Variants in PALM observed in about 807,000 individuals in gnomAD.
The protein encoded by PALM is paralemmin-1.
In PALM, 18 loss-of-function variants were observed where a neutral mutation model predicts 30.7. The observed-to-expected ratio is 0.59, with a 90% CI of 0.41 to 0.87. The LOEUF (loss-of-function observed/expected upper bound fraction) is 0.87. PALM is among the 40% of genes least tolerant of loss of function. The probability of loss-of-function intolerance (pLI) is 0.00; values close to 1 mark genes in which losing one functional copy is unlikely to be tolerated. For synonymous variants in PALM, 286 were observed against 242.8 expected (o/e 1.18, Z -1.66); for missense variants, 529 against 555.4 (o/e 0.95, Z 0.48).
At chr19:719,467 G>C in intron 1 of PALM, 1 of 985,294 alleles carries the variant, frequency 1.0e-6, no homozygotes, top group East Asian at 1.1e-4. Flanking sequence ...TGCGCGCCGG[G>C]GTGGGCGTCG....
At chr19:729,624 G>A (rs1162046448) in intron 4 of PALM, among the ~76,000 whole-genome samples, 1 of 151,750 alleles carries the variant, frequency 6.6e-6, no homozygotes, top group Non-Finnish European at 1.5e-5. Flanking sequence ...CGCCACGCCT[G>A]GCTAATTTTG....
At chr19:730,181 C>T (rs1408316993) in intron 4 of PALM, among the ~76,000 whole-genome samples, 3 of 147,276 alleles carry the variant, frequency 2.0e-5, no homozygotes, top group Admixed American at 1.4e-4. Flanking sequence ...CTCCCAGACA[C>T]CTCCTGCAGG....
intron 1 of PALM, among the ~76,000 whole-genome samples, chr19:711,031 G>A (rs1416589549): frequency 1.3e-5 from 2 of 152,244 alleles, no homozygotes; most frequent in Non-Finnish European, 2.9e-5. Flanking sequence ...TCGAAGACAC[G>A]GGAGCTGGCT....
chr19:747,348 G>A lies in PALM; in HGVS notation c.*534G>A, dbSNP rs1023879387. On this transcript the variant is annotated 3_prime_UTR_variant, in exon 9 of 9. Transcript: ENST00000338448. Reference sequence around the variant, plus strand: ...AATCTCAGGCAGTTGGGGTGAGGCCGTGCCTCTTTGGGGGCTAAAGGTCTT... The same window carrying A: ...AATCTCAGGCAGTTGGGGTGAGGCCATGCCTCTTTGGGGGCTAAAGGTCTT... 4.5e-5 allele frequency: 7 copies of A among 156,696 alleles called. No homozygotes were observed. The highest frequency in any genetic ancestry group is 2.0e-4 in the South Asian group (1 of 5,016). 9.7% of individuals were successfully genotyped at this position (156,696 alleles called of 1,614,324 possible).
intron 1 of PALM, chr19:719,492 C>T (rs1005598118): frequency 4.8e-4 from 469 of 985,196 alleles, no homozygotes; most frequent in Non-Finnish European, 5.5e-4. Flanking sequence ...GGGGGCGTGG[C>T]GCTCCAGGGG....
intron 8 of PALM, among the ~76,000 whole-genome samples, chr19:743,395 G>A (rs866326621): frequency 1.3e-5 from 2 of 152,194 alleles, no homozygotes; most frequent in Admixed American, 6.5e-5. Context: ...CAGGTGATCC[G>A]TTTCCATGGC....
chr19:729,481 T>TTG lies in PALM; in HGVS notation c.270-1613_270-1612insGT, dbSNP rs1555689402. Among the ~76,000 whole-genome samples the TTG allele has an allele frequency of 4.8e-3, 649 of 136,548 alleles. 13 individuals are homozygous for TTG. The East Asian group carries it at 0.09, about 19-fold the overall frequency. 89.6% of individuals were successfully genotyped at this position (136,548 alleles called of 152,430 possible). ...GTCTTTTTTTTTTTTTTTTTTTTTT[T>TTG]TTGAGAAGGAGTCTCGCTCTGTCGC... On this transcript the variant is annotated intron_variant, in intron 4 of 8. Coordinates refer to ENST00000338448, the MANE Select transcript of PALM (RefSeq NM_002579.3).
chr19:711,326 C>T (rs2032073519), intron 1 of PALM: 3 of 338,720 alleles, frequency 8.9e-6, no homozygotes, highest in Non-Finnish European at 1.3e-5. Context: ...ATATTTTGGC[C>T]TGGAGCAGCC....
Position 742,055 on chromosome 19 carries a change from G to A in PALM, c.634+1572G>A, listed in dbSNP as rs530816926. Among the ~76,000 whole-genome samples, 11 of 152,058 alleles carry A rather than the reference G, an allele frequency of 7.2e-5. No homozygotes were observed. The highest frequency in any genetic ancestry group is 3.3e-4 in the Admixed American group (5 of 15,258). On this transcript the variant is annotated intron_variant, in intron 8 of 8. Transcript: ENST00000338448. This position sits in a 1 kb window ranked among gnomAD's most constrained non-coding sequence, Gnocchi z 5.5. ...TATAATTCGCAGACCATAAAATTCC[G>A]CCTTAATGGGAGGCTCATCTGGGCC...
Position 727,003 on chromosome 19 carries a change from C to CCCCCCCCCG in PALM, c.58-5_58-4insCCCCCCCCG. 1 of 1,524,298 alleles carries CCCCCCCCCG rather than the reference C, an allele frequency of 6.6e-7. No individual in the cohort carries two copies. Among genetic ancestry groups the CCCCCCCCCG allele is most frequent in the Non-Finnish European group, 8.9e-7 (1 of 1,124,960 alleles). The allele number at this position is 1,524,298 out of a possible 1,614,324, so 94.4% of individuals were successfully genotyped here. On this transcript the variant is annotated splice_polypyrimidine_tract_variant and splice_region_variant and intron_variant, in intron 2 of 8. Coordinates refer to ENST00000338448, the MANE Select transcript of PALM (RefSeq NM_002579.3). ...ATCCCTGACCCCACCCGGCCCTCCCCACAGGAGAAGCGGAAGCGGCAGGCG... is the reference window on the plus strand; with the variant it reads ...ATCCCTGACCCCACCCGGCCCTCCCCCCCCCCCCGACAGGAGAAGCGGAAGCGGCAGGCG...
At chr19:728,350 C>A (rs1445967874) in intron 4 of PALM, among the ~76,000 whole-genome samples, 1 of 152,204 alleles carries the variant, frequency 6.6e-6, no homozygotes, top group African/African-American at 2.4e-5. Flanking sequence ...GGGAAGGTGC[C>A]CAGAGGCGGG....
chr19:733,300 G>A (rs898153669), intron 5 of PALM, among the ~76,000 whole-genome samples: 1 of 152,198 alleles, frequency 6.6e-6, no homozygotes, highest in Non-Finnish European at 1.5e-5. Context: ...GCATGGACTA[G>A]TGCTGTCATG....
In PALM at chr19:746,227, ACT is replaced by A. The variant is rs2033333234; in HGVS notation, c.635-51_635-50del. The A allele has an allele frequency of 2.8e-6, 4 of 1,421,336 alleles. No individual in the cohort carries two copies. Among genetic ancestry groups the A allele is most frequent in the Admixed American group, 1.9e-5 (1 of 52,538 alleles). The allele number at this position is 1,421,336 out of a possible 1,614,324, so 88.0% of individuals were successfully genotyped here. A position where few individuals can be genotyped will look rare whatever the true frequency, so the allele number is the denominator to read the frequency against. On this transcript the variant is annotated intron_variant, in intron 8 of 8. Transcript: ENST00000338448. The surrounding 1 kb of genome is among the most constrained non-coding windows in gnomAD (Gnocchi z 7.1). ...GTTTCCCTCCTGCCTGAGCCAGGTC[ACT>A]CTCTCTGTCCCTCCTGCCTGGAGCT...
chr19:719,469 TGGGCGTCGGGCGGG>T (rs1390324306), intron 1 of PALM: 1 of 984,698 alleles, frequency 1.0e-6, no homozygotes, highest in Non-Finnish European at 1.2e-6. Context: ...CGCGCCGGGG[TGGGCGTCGGGCGGG>T]GGGCGTGGCG....
chr19:730,987 G>A (rs1302463264), intron 4 of PALM, 108 bp from the exon 5 acceptor site: 8 of 713,210 alleles, frequency 1.1e-5, no homozygotes, highest in Non-Finnish European at 1.6e-5. Flanking sequence ...GGCAACAAGA[G>A]CGAGAATCTG....
chr19:733,469 G>T (rs1407398077), intron 5 of PALM, among the ~76,000 whole-genome samples: 1 of 152,202 alleles, frequency 6.6e-6, no homozygotes, highest in Non-Finnish European at 1.5e-5. Flanking sequence ...CCAGGGCACA[G>T]TTCAGGGAGA....
rs2033346346 is a variant in PALM at position 746,504 on chromosome 19, C to G, written c.854C>G (p.Ser285Cys). 1 of 1,612,180 alleles carries G rather than the reference C, an allele frequency of 6.2e-7. No homozygotes were observed. The highest frequency in any genetic ancestry group is 8.5e-7 in the Non-Finnish European group (1 of 1,179,658). The change falls in exon 9 of 9, where the codon TCC becomes TGC. Residue 285 changes from serine to cysteine, a missense_variant. By Grantham distance (112) the Ser-to-Cys change is moderately radical. Transcript: ENST00000338448. The surrounding 1 kb of genome is among the most constrained non-coding windows in gnomAD (Gnocchi z 7.1). ...GVQAQPGEAT[S>C]GPPGIQPGQE... is the part of the protein sequence containing the mutation. The stretch of plus-strand genomic sequence containing the variant: ...CAGGCACAGCCAGGCGAGGCCACGT[C>G]CGGCCCGCCGGGGATCCAGCCCGGC...
At chr19:732,030 G>A (rs1246530657) in intron 5 of PALM, among the ~76,000 whole-genome samples, 1 of 151,918 alleles carries the variant, frequency 6.6e-6, no homozygotes, top group African/African-American at 2.4e-5. Flanking sequence ...CAGCCAGAGT[G>A]CAGTGGCACA....
intron 3 of PALM, among the ~76,000 whole-genome samples, 199 bp from the exon 4 acceptor site, chr19:727,365 C>G (rs1452872839): frequency 6.6e-6 from 1 of 151,866 alleles, no homozygotes; most frequent in Admixed American, 6.6e-5. Flanking sequence ...AATCCTGACC[C>G]TGACCTTGAC....
Sources: allele counts gnomAD v4.1 joint callset (sites outside exome capture counted in the v4.1 genomes callset), GRCh38; gene constraint gnomAD v4.1.1; non-coding constraint Gnocchi (gnomAD v3.1); transcripts MANE v1.5; gene names NCBI Gene and HGNC (gene_info 2026-07-23, HGNC 2026-07-21).